Variants in TVP23C observed in about 807,000 individuals in gnomAD.
The protein encoded by TVP23C is trans-golgi network vesicle protein 23 homolog C.
TVP23C carries 19 observed loss-of-function variants against 28.7 expected under a neutral mutation model. That is an observed-to-expected ratio of 0.66 (90% CI 0.46 to 0.97). TVP23C has a LOEUF of 0.97. Ranked by LOEUF, TVP23C falls within the 50% of genes least tolerant of loss-of-function variation. The pLI is 0.00. For synonymous variants in TVP23C, 68 were observed against 81.7 expected, an observed-to-expected ratio of 0.83 and a Z score of 0.90; for missense variants, 186 against 241.3, an observed-to-expected ratio of 0.77 and a Z score of 1.52.
intron 5 of TVP23C, among the ~76,000 whole-genome samples, chr17:15,513,200 A>G (rs952746458): frequency 1.3e-5 from 2 of 152,174 alleles, no homozygotes; most frequent in African/African-American, 4.8e-5. Context: ...TTCAGAATAT[A>G]CGGTCAGACT....
downstream of TVP23C, among the ~76,000 whole-genome samples, chr17:15,536,023 C>G (rs1293635832): frequency 2.0e-5 from 3 of 152,072 alleles, no homozygotes; most frequent in Non-Finnish European, 4.4e-5. Flanking sequence ...GAAATCCCGT[C>G]TCTACTAAAA....
intron 5 of TVP23C, among the ~76,000 whole-genome samples, chr17:15,544,825 C>T (rs1195378113): frequency 1.3e-5 from 2 of 151,698 alleles, no homozygotes; most frequent in African/African-American, 4.8e-5. Flanking sequence ...AATGTATGAG[C>T]ACACACAAAG....
At chr17:15,550,203 A>C (rs942614038) in intron 3 of TVP23C, among the ~76,000 whole-genome samples, 1 of 152,198 alleles carries the variant, frequency 6.6e-6, no homozygotes, top group African/African-American at 2.4e-5. Flanking sequence ...TGACATATTC[A>C]GAAAGTTTAA....
intron 5 of TVP23C, among the ~76,000 whole-genome samples, chr17:15,541,678 T>C (rs2150849383): frequency 6.6e-6 from 1 of 152,350 alleles, no homozygotes; most frequent in Middle Eastern, 3.4e-3. Context: ...CAGGTTCACA[T>C]TCCTAGTAAA....
At chr17:15,553,932 T>G in intron 2 of TVP23C, 103 bp from the exon 3 acceptor site, 1 of 1,570,116 alleles carries the variant, frequency 6.4e-7, no homozygotes, top group South Asian at 1.2e-5. Context: ...GTGAAGAGTT[T>G]TGTCAAAATA....
At chr17:15,520,649 C>T (rs555788304) in intron 5 of TVP23C, among the ~76,000 whole-genome samples, 4 of 152,166 alleles carry the variant, frequency 2.6e-5, no homozygotes, top group African/African-American at 9.6e-5. Context: ...TGAAAGTGGA[C>T]ATCCACACAT....
chr17:15,548,100 A>AT (rs937389768), intron 3 of TVP23C, among the ~76,000 whole-genome samples: 3 of 151,664 alleles, frequency 2.0e-5, no homozygotes, highest in Admixed American at 6.6e-5. Flanking sequence ...AATCACAGGC[A>AT]TTTTTTTATT....
At chr17:15,561,081 T>C (rs557777098) in intron 1 of TVP23C, among the ~76,000 whole-genome samples, 1 of 152,250 alleles carries the variant, frequency 6.6e-6, no homozygotes, top group East Asian at 1.9e-4. Flanking sequence ...TGAGTAAACA[T>C]GCAAATAAAT....
At position 15,545,860 on chromosome 17, in the gene TVP23C, C is replaced by T; in HGVS notation, c.387G>A (p.Leu129=). ...VSEAESRIFW[L]GLIACSVLWV... is the part of the protein sequence containing the mutation. The stretch of plus-strand genomic sequence containing the variant: ...ACAGTACTGAACAGGCAATAAGTCC[C>T]AACCAAAAGATTCTTGATTCAGCCT... The change falls in exon 5 of 6, where the codon TTG becomes TTA. Residue 129 remains leucine (L), a synonymous_variant. Transcript: ENST00000518321. The T allele has an allele frequency of 6.2e-7, 1 of 1,614,124 alleles. No homozygotes were observed. The highest frequency in any genetic ancestry group is 1.1e-5 in the South Asian group (1 of 91,086).
chr17:15,517,178 G>A (rs191115059), intron 5 of TVP23C, among the ~76,000 whole-genome samples: 58 of 152,150 alleles, frequency 3.8e-4, no homozygotes, highest in African/African-American at 1.2e-3. Flanking sequence ...TACCCTTTCC[G>A]CCTCCCTGTC....
intron 4 of TVP23C, among the ~76,000 whole-genome samples, chr17:15,546,149 T>A (rs1438571518): frequency 6.6e-6 from 1 of 152,196 alleles, no homozygotes; most frequent in African/African-American, 2.4e-5. Flanking sequence ...CCACAACTCA[T>A]GACAGTAAAG....
Position 15,545,737 on chromosome 17 carries a change from C to T in TVP23C, c.462+48G>A, listed in dbSNP as rs780742539. 23 of 1,576,510 alleles carry T rather than the reference C, an allele frequency of 1.5e-5. No individual in the cohort carries two copies. In the South Asian group the frequency reaches 2.6e-4, roughly 18 times the overall value. On this transcript the variant is annotated intron_variant, in intron 5 of 5. Coordinates refer to ENST00000518321, the MANE Select transcript of TVP23C (RefSeq NM_001135036.2). ...TGCAGTTGTTGCTTCCTATGATTAC[C>T]ATCAGACATCTTAATGGATTATTTG...
intron 5 of TVP23C, among the ~76,000 whole-genome samples, chr17:15,523,414 G>A (rs1161579472): frequency 6.6e-6 from 1 of 151,252 alleles, no homozygotes; most frequent in Non-Finnish European, 1.5e-5. Context: ...AGGTTCAAGC[G>A]ATTCTCCCGC....
At chr17:15,507,655 G>A (rs968478998) in intron 5 of TVP23C, among the ~76,000 whole-genome samples, 6 of 152,130 alleles carry the variant, frequency 3.9e-5, no homozygotes, top group Non-Finnish European at 8.8e-5. Flanking sequence ...TGGCTAACAC[G>A]GTGAAACCCC....
chr17:15,533,037 G>A (rs1257424708), downstream of TVP23C, among the ~76,000 whole-genome samples: 1 of 152,148 alleles, frequency 6.6e-6, no homozygotes, highest in Non-Finnish European at 1.5e-5. Flanking sequence ...AGGGCCTAAG[G>A]GACAGACTGT....
intron 5 of TVP23C, among the ~76,000 whole-genome samples, chr17:15,507,755 C>T (rs190888540): frequency 2.6e-5 from 4 of 152,128 alleles, no homozygotes; most frequent in African/African-American, 9.6e-5. Flanking sequence ...AGGAGAATGG[C>T]GTGAACCCAG....
intron 5 of TVP23C, among the ~76,000 whole-genome samples, chr17:15,519,580 T>C (rs553464852): frequency 6.6e-6 from 1 of 152,234 alleles, no homozygotes; most frequent in Admixed American, 6.5e-5. Context: ...GGTTGGGGTC[T>C]TCAAGGACTC....
chr17:15,514,769 C>CT (rs1184441045), intron 5 of TVP23C, among the ~76,000 whole-genome samples: 10 of 152,166 alleles, frequency 6.6e-5, no homozygotes, highest in African/African-American at 2.2e-4. Context: ...CTTGAGACCT[C>CT]TCCTGTTACA....
At chr17:15,509,215 T>G (rs1233515982) in intron 5 of TVP23C, among the ~76,000 whole-genome samples, 1 of 152,098 alleles carries the variant, frequency 6.6e-6, no homozygotes, top group Non-Finnish European at 1.5e-5. Flanking sequence ...ACCAGAGTAA[T>G]AAACACAACC....
Sources: allele counts gnomAD v4.1 joint callset (sites outside exome capture counted in the v4.1 genomes callset), GRCh38; gene constraint gnomAD v4.1.1; transcripts MANE v1.5; gene names NCBI Gene and HGNC (gene_info 2026-07-23, HGNC 2026-07-21).